Variants in NRXN3 observed in about 807,000 individuals in gnomAD.
The protein encoded by NRXN3 is neurexin 3.
In NRXN3, 32 loss-of-function variants were observed where a neutral mutation model predicts 137.6. That is an observed-to-expected ratio of 0.23 (90% CI 0.18 to 0.31). The LOEUF (loss-of-function observed/expected upper bound fraction) is 0.31. NRXN3 is among the 10% of genes least tolerant of loss of function. The pLI is 1.00. For missense variants in NRXN3, 1,574 were observed against 2,062.5 expected (o/e 0.76, Z 4.59); for synonymous variants, 798 against 784.5 (o/e 1.02, Z -0.29).
intron 4 of NRXN3, among the ~76,000 whole-genome samples, chr14:78,372,026 C>A (rs1397303267): frequency 6.6e-6 from 1 of 152,104 alleles, no homozygotes; most frequent in African/African-American, 2.4e-5. Context: ...TAATATTGTA[C>A]ACACAATGAC....
At chr14:79,440,351 C>A (rs2095914449) in intron 15 of NRXN3, among the ~76,000 whole-genome samples, 3 of 152,166 alleles carry the variant, frequency 2.0e-5, no homozygotes, top group Non-Finnish European at 2.9e-5. Flanking sequence ...CTAATATCTA[C>A]CTAATAGTGT....
intron 15 of NRXN3, among the ~76,000 whole-genome samples, chr14:79,289,933 G>T (rs1030782622): frequency 3.3e-5 from 5 of 152,106 alleles, no homozygotes; most frequent in African/African-American, 1.2e-4. Flanking sequence ...GAGTGGCTAT[G>T]AAAACATAAA....
chr14:78,596,041 C>T (rs141051636), intron 4 of NRXN3, among the ~76,000 whole-genome samples: 159 of 152,168 alleles, frequency 1.0e-3, no homozygotes, highest in African/African-American at 3.6e-3. Context: ...AAATGTTCTA[C>T]GACGCACATG....
At chr14:79,289,150 C>A (rs2082751592) in intron 15 of NRXN3, among the ~76,000 whole-genome samples, 1 of 152,188 alleles carries the variant, frequency 6.6e-6, no homozygotes, top group Non-Finnish European at 1.5e-5. Context: ...GGAGCACAGA[C>A]ATCATGACTC....
chr14:79,270,306 C>T (rs1481887821), intron 15 of NRXN3, among the ~76,000 whole-genome samples: 6 of 152,138 alleles, frequency 3.9e-5, no homozygotes, highest in Non-Finnish European at 8.8e-5. Flanking sequence ...TCCCCCACCA[C>T]ACACACATAC....
chr14:79,482,540 C>T (rs1351995201), intron 16 of NRXN3, among the ~76,000 whole-genome samples: 2 of 152,174 alleles, frequency 1.3e-5, no homozygotes, highest in South Asian at 2.1e-4. Flanking sequence ...TCTTCACCCT[C>T]GATTCTAGTT....
intron 15 of NRXN3, among the ~76,000 whole-genome samples, chr14:79,206,889 T>C (rs2066871726): frequency 6.6e-6 from 1 of 152,176 alleles, no homozygotes; most frequent in Non-Finnish European, 1.5e-5. Flanking sequence ...CAAGTCTTAG[T>C]GTTCATTACT....
intron 6 of NRXN3, among the ~76,000 whole-genome samples, chr14:78,705,552 C>T (rs894899161): frequency 9.9e-5 from 15 of 152,276 alleles, no homozygotes; most frequent in African/African-American, 3.6e-4. Context: ...AACAGAACCC[C>T]AACACCATGG....
intron 15 of NRXN3, among the ~76,000 whole-genome samples, chr14:79,073,214 A>G (rs572535179): frequency 2.8e-4 from 42 of 152,230 alleles, no homozygotes; most frequent in African/African-American, 9.6e-4. Flanking sequence ...CTAAGCTAAA[A>G]GTCATGCTAC....
intron 15 of NRXN3, among the ~76,000 whole-genome samples, chr14:79,332,408 C>T (rs2091823420): frequency 6.6e-6 from 1 of 152,172 alleles, no homozygotes; most frequent in African/African-American, 2.4e-5. Context: ...CCGGTAGTTC[C>T]AGTCCGCAAT....
intron 4 of NRXN3, among the ~76,000 whole-genome samples, chr14:78,322,287 G>A (rs2079481537): frequency 6.6e-6 from 1 of 151,992 alleles, no homozygotes; most frequent in African/African-American, 2.4e-5. Flanking sequence ...GGGGCAAAGT[G>A]TACTAGGGAA....
At chr14:79,275,064 A>T (rs1323432141) in intron 15 of NRXN3, among the ~76,000 whole-genome samples, 2 of 152,230 alleles carry the variant, frequency 1.3e-5, no homozygotes, top group African/African-American at 4.8e-5. Context: ...TTTTTTAAAT[A>T]AATAAGCAGA....
intron 4 of NRXN3, among the ~76,000 whole-genome samples, chr14:78,587,392 C>G (rs954644027): frequency 2.6e-5 from 4 of 152,196 alleles, no homozygotes; most frequent in African/African-American, 9.6e-5. Flanking sequence ...CCCATGGAAT[C>G]AACCGTTTTT....
chr14:78,649,175 A>G, intron 5 of NRXN3: 4 of 804,530 alleles, frequency 5.0e-6, no homozygotes, highest in Non-Finnish European at 7.5e-6. Context: ...ATGTACTAAC[A>G]CCCTAACGAC....
chr14:78,773,013 A>C (rs755118746), intron 8 of NRXN3, among the ~76,000 whole-genome samples: 15 of 152,160 alleles, frequency 9.9e-5, no homozygotes, highest in Non-Finnish European at 1.0e-4. Flanking sequence ...CTTGATTCTC[A>C]TAAGCATAAA....
At chr14:78,475,874 T>C (rs2095369170) in intron 4 of NRXN3, among the ~76,000 whole-genome samples, 1 of 152,228 alleles carries the variant, frequency 6.6e-6, no homozygotes, top group Non-Finnish European at 1.5e-5. Context: ...TTCTACTATG[T>C]GCCAGTACTT....
intron 20 of NRXN3, among the ~76,000 whole-genome samples, chr14:79,813,157 C>T (rs2099240578): frequency 6.6e-6 from 1 of 152,150 alleles, no homozygotes; most frequent in African/African-American, 2.4e-5. Context: ...TCATTCTTAA[C>T]CAGCATCAGC....
At chr14:79,778,826 G>GT (rs1221283643) in intron 19 of NRXN3, among the ~76,000 whole-genome samples, 1 of 152,122 alleles carries the variant, frequency 6.6e-6, no homozygotes, top group Non-Finnish European at 1.5e-5. Context: ...TTTGTTCAGG[G>GT]TTTAAAGCTT....
At chr14:78,911,361 C>G (rs988397927) in intron 10 of NRXN3, among the ~76,000 whole-genome samples, 3 of 152,116 alleles carry the variant, frequency 2.0e-5, no homozygotes, top group African/African-American at 7.2e-5. Context: ...TGACTTGAAA[C>G]TTTGTGATGT....
Sources: gnomAD v4.1 joint callset for allele counts (sites outside exome capture counted in the v4.1 genomes callset) on GRCh38, gnomAD v4.1.1 for gene constraint, MANE v1.5 for transcripts, NCBI Gene and HGNC (gene_info 2026-07-23, HGNC 2026-07-21) for gene names.